ATG5: variants seen among roughly 807,000 people sequenced by gnomAD.
ATG5 encodes the protein autophagy related 5, also known as autophagy protein 5.
ATG5 carries 14 observed loss-of-function variants against 36.5 expected under a neutral mutation model. That is an observed-to-expected ratio of 0.38 (90% confidence interval 0.25 to 0.60). The LOEUF (loss-of-function observed/expected upper bound fraction) is 0.60, where lower values mean the gene tolerates loss of function less well. Ranked by LOEUF, ATG5 falls within the 20% of genes least tolerant of loss-of-function variation. The pLI, the probability that ATG5 is intolerant of heterozygous loss-of-function variation, is 0.60. For synonymous variants in ATG5, 95 were observed against 101.5 expected, an observed-to-expected ratio of 0.94 and a Z score of 0.38; for missense variants, 195 against 326.7, an observed-to-expected ratio of 0.60 and a Z score of 3.11.
intron 5 of ATG5, among the ~76,000 whole-genome samples, 177 bp from the exon 6 acceptor site, chr6:106,248,421 T>C (rs1562235693): frequency 6.6e-6 from 1 of 152,228 alleles, no homozygotes; most frequent in South Asian, 2.1e-4. Context: ...ATAAAATTAA[T>C]TTTTTTCTAC....
chr6:106,322,980 C>T (rs547869337), intron 1 of ATG5, among the ~76,000 whole-genome samples: 24 of 151,680 alleles, frequency 1.6e-4, no homozygotes, highest in South Asian at 2.1e-4. Context: ...AGTGCAGTGG[C>T]GCAATCTCGG....
chr6:106,198,802 AAG>A (rs916180736), intron 7 of ATG5, among the ~76,000 whole-genome samples: 1 of 152,032 alleles, frequency 6.6e-6, no homozygotes, highest in African/African-American at 2.4e-5. Flanking sequence ...GAGAGTGAGA[AAG>A]AGAGAAAGAA....
intron 1 of ATG5, among the ~76,000 whole-genome samples, chr6:106,317,791 T>C (rs1474958451): frequency 2.0e-5 from 3 of 152,166 alleles, no homozygotes; most frequent in African/African-American, 4.8e-5. Flanking sequence ...TCACTGAAAA[T>C]AGGAAAGACC....
At chr6:106,215,949 T>C (rs1261825766) in intron 6 of ATG5, among the ~76,000 whole-genome samples, 2 of 152,248 alleles carry the variant, frequency 1.3e-5, no homozygotes, top group African/African-American at 2.4e-5. Context: ...GCAAAGGATC[T>C]GAAGACAATT....
chr6:106,288,013 C>T (rs1780149137), intron 4 of ATG5, among the ~76,000 whole-genome samples: 2 of 151,444 alleles, frequency 1.3e-5, no homozygotes, highest in South Asian at 4.2e-4. Flanking sequence ...CTCTGTTGCC[C>T]AGGCTGGAGT....
chr6:106,229,017 C>T (rs537681523), intron 6 of ATG5, among the ~76,000 whole-genome samples: 1 of 152,362 alleles, frequency 6.6e-6, no homozygotes, highest in Admixed American at 6.5e-5. Flanking sequence ...AACAGTCGCC[C>T]ATGCGTGCGC....
chr6:106,234,205 C>A (rs574509599), intron 6 of ATG5, among the ~76,000 whole-genome samples: 2 of 152,140 alleles, frequency 1.3e-5, no homozygotes, highest in East Asian at 3.9e-4. Flanking sequence ...CTAGCCCCTA[C>A]AAAGGACTAG....
At position 106,316,217 on chromosome 6, in the gene ATG5, G is replaced by C; in HGVS notation, c.-9C>G. The C allele has an allele frequency of 6.2e-7, 1 of 1,609,794 alleles. No homozygotes were observed. Among genetic ancestry groups the C allele is most frequent in the Non-Finnish European group, 8.5e-7 (1 of 1,176,702 alleles). ...TCTTTGTCATCTGTCATTCTTCCAG[G>C]AGTTAAAGCAGTACATACAGGCTAA... On this transcript the variant is annotated 5_prime_UTR_variant, in exon 2 of 8. Coordinates refer to ENST00000369076, the MANE Select transcript of ATG5 (RefSeq NM_004849.4).
At chr6:106,316,386 AC>A (rs1380253705) in intron 1 of ATG5, 120 bp from the exon 2 acceptor site, 73 of 450,924 alleles carry the variant, frequency 1.6e-4, no homozygotes, top group Middle Eastern at 1.0e-3. Context: ...AAAAAAAAAA[AC>A]GATGATCACC....
chr6:106,192,798 G>A (rs912382888), intron 7 of ATG5, among the ~76,000 whole-genome samples: 3 of 152,084 alleles, frequency 2.0e-5, no homozygotes, highest in Admixed American at 6.6e-5. Context: ...ATAGAGCGAC[G>A]AGCTTTCTGA....
At chr6:106,224,341 T>C (rs1428580592) in intron 6 of ATG5, among the ~76,000 whole-genome samples, 1 of 152,186 alleles carries the variant, frequency 6.6e-6, no homozygotes, top group African/African-American at 2.4e-5. Context: ...AAAGGACCCA[T>C]GAGCTAAATC....
chr6:106,225,489 T>C (rs1777419450), intron 6 of ATG5, among the ~76,000 whole-genome samples: 2 of 151,574 alleles, frequency 1.3e-5, no homozygotes, highest in Non-Finnish European at 1.5e-5. Context: ...TTTTTAAAAC[T>C]TTAAAAAACA....
intron 4 of ATG5, among the ~76,000 whole-genome samples, chr6:106,286,060 A>G (rs1413987760): frequency 1.3e-5 from 2 of 151,530 alleles, no homozygotes; most frequent in African/African-American, 4.9e-5. Flanking sequence ...TCTTAACCCT[A>G]CAACATCCAC....
At chr6:106,196,755 A>T (rs1340370640) in intron 7 of ATG5, among the ~76,000 whole-genome samples, 1 of 152,010 alleles carries the variant, frequency 6.6e-6, no homozygotes, top group Non-Finnish European at 1.5e-5. Flanking sequence ...AAAGTTCTAC[A>T]GTTATACAAT....
At chr6:106,250,689 G>A (rs1389964289) in intron 5 of ATG5, among the ~76,000 whole-genome samples, 1 of 152,188 alleles carries the variant, frequency 6.6e-6, no homozygotes, top group Non-Finnish European at 1.5e-5. Flanking sequence ...TTACTTTGCT[G>A]CCTTGTCATG....
At chr6:106,206,747 G>A (rs1443504155) in intron 6 of ATG5, among the ~76,000 whole-genome samples, 3 of 151,990 alleles carry the variant, frequency 2.0e-5, no homozygotes, top group Non-Finnish European at 4.4e-5. Flanking sequence ...AGCTCCCATA[G>A]AGAGATCATG....
intron 7 of ATG5, among the ~76,000 whole-genome samples, chr6:106,197,669 T>G (rs1437152560): frequency 6.6e-6 from 1 of 152,040 alleles, no homozygotes; most frequent in Non-Finnish European, 1.5e-5. Context: ...TGGCTTCCTC[T>G]CTCACCATGT....
At chr6:106,237,443 CAGATT>C (rs1388311953) in intron 6 of ATG5, among the ~76,000 whole-genome samples, 1 of 152,142 alleles carries the variant, frequency 6.6e-6, no homozygotes, top group Non-Finnish European at 1.5e-5. Context: ...TATTTTGAGG[CAGATT>C]TGTACTTTAG....
intron 3 of ATG5, among the ~76,000 whole-genome samples, chr6:106,301,941 C>T (rs1185612971): frequency 6.6e-6 from 1 of 151,970 alleles, no homozygotes; most frequent in Non-Finnish European, 1.5e-5. Context: ...AAGGTTATAC[C>T]GCTAGTAAGT....
Sources: gnomAD v4.1 joint callset for allele counts (sites outside exome capture counted in the v4.1 genomes callset) on GRCh38, gnomAD v4.1.1 for gene constraint, MANE v1.5 for transcripts, NCBI Gene and HGNC (gene_info 2026-07-23, HGNC 2026-07-21) for gene names.